Variants in DNAH7 observed in about 807,000 individuals in gnomAD.
The protein encoded by DNAH7 is axonemal beta dynein heavy chain 7.
DNAH7 carries 397 observed loss-of-function variants against 444.6 expected under a neutral mutation model. The observed-to-expected ratio is 0.89, with a 90% CI of 0.82 to 0.97. The LOEUF (loss-of-function observed/expected upper bound fraction) is 0.97, where lower values mean the gene tolerates loss of function less well. Ranked by LOEUF, DNAH7 falls within the 50% of genes least tolerant of loss-of-function variation. The pLI is 0.00. For missense variants in DNAH7, 4,902 were observed against 4,800.8 expected (o/e 1.02, Z -0.62); for synonymous variants, 1,636 against 1,624.4 (o/e 1.01, Z -0.17).
intron 24 of DNAH7, among the ~76,000 whole-genome samples, chr2:195,911,820 G>A (rs1335944629): frequency 6.6e-6 from 1 of 152,158 alleles, no homozygotes; most frequent in Admixed American, 6.5e-5. Flanking sequence ...TACTTGCAGA[G>A]CCTCCCTGGA....
At chr2:195,913,513 G>C (rs1319042068) in intron 24 of DNAH7, among the ~76,000 whole-genome samples, 1 of 152,116 alleles carries the variant, frequency 6.6e-6, no homozygotes, top group Non-Finnish European at 1.5e-5. Context: ...TAAACTTGGA[G>C]AATATAAAGC....
Position 195,906,984 on chromosome 2 carries a change from G to A in DNAH7, c.4130C>T (p.Ala1377Val), listed in dbSNP as rs372773830. The change falls in exon 26 of 65, where the codon GCT becomes GTT. Residue 1377 changes from alanine (A) to valine (V), a missense_variant. By Grantham distance (64) the Ala-to-Val change is moderately conservative. Transcript: ENST00000312428. Reference sequence around the variant, plus strand: ...AATTCTGTTAAACTCATCAAAGCAAGCCCAGGCTCCACAAGATAACAGTCC... The same window carrying A: ...AATTCTGTTAAACTCATCAAAGCAAACCCAGGCTCCACAAGATAACAGTCC... Reference protein sequence around the residue: ...FKGLLSCGAWACFDEFNRIDL... With the variant: ...FKGLLSCGAWVCFDEFNRIDL... 7 of 1,612,770 alleles carry A rather than the reference G, an allele frequency of 4.3e-6. No individual in the cohort carries two copies. The highest frequency in any genetic ancestry group is 5.9e-6 in the Non-Finnish European group (7 of 1,179,334).
At position 195,900,432 on chromosome 2, in the gene DNAH7, T is replaced by C. The variant is rs140129378; in HGVS notation, c.4398A>G (p.Leu1466=). Residue 1466 remains leucine (L), a synonymous_variant, in exon 28 of 65, where the codon CTA becomes CTG. Coordinates refer to ENST00000312428, the MANE Select transcript of DNAH7 (RefSeq NM_018897.3). The stretch of plus-strand genomic sequence containing the variant: ...GAGCAGTGACAAACCCACAGGAGTA[T>C]AGGACTATTTCAGCAATCATGGCAT... ...PDYAMIAEIV[L]YSCGFVTARP... The C allele has an allele frequency of 2.2e-4, 353 of 1,614,020 alleles. No homozygotes were observed. Among genetic ancestry groups the C allele is most frequent in the Admixed American group, 2.8e-4 (17 of 60,010 alleles).
intron 40 of DNAH7, among the ~76,000 whole-genome samples, chr2:195,867,173 C>G (rs1037816467): frequency 2.0e-5 from 3 of 152,108 alleles, no homozygotes; most frequent in African/African-American, 7.2e-5. Context: ...AGTTATACAT[C>G]CATGTAACCA....
chr2:195,959,672 C>A (rs1690943207), intron 18 of DNAH7, among the ~76,000 whole-genome samples: 1 of 152,128 alleles, frequency 6.6e-6, no homozygotes, highest in Non-Finnish European at 1.5e-5. Context: ...ATATAGCCTG[C>A]CTAATGTAAA....
intron 36 of DNAH7, 35 bp from the exon 37 acceptor site, chr2:195,876,734 G>C: frequency 7.0e-7 from 1 of 1,434,966 alleles, no homozygotes; most frequent in South Asian, 1.2e-5. Context: ...GCCATAGTTG[G>C]AATTATGTTT....
intron 21 of DNAH7, among the ~76,000 whole-genome samples, chr2:195,932,255 T>C (rs937432279): frequency 2.0e-5 from 3 of 152,230 alleles, no homozygotes; most frequent in African/African-American, 7.2e-5. Flanking sequence ...CTTGTGATTT[T>C]TGCACATTGA....
rs776140308 is a variant in DNAH7, at chr2:195,864,360, T to C, written c.7295A>G (p.Glu2432Gly). ...TAACTGACGCATCTTATCACATATC[T>C]CTTGCTTCTCATCTAATGCAAAGAG... is the stretch of plus-strand genomic sequence containing the variant. ...PNLFALDEKQ[E>G]ICDKMRQLDR... The change falls in exon 41 of 65, where the codon GAG becomes GGG. Residue 2432 changes from glutamate (E) to glycine (G), a missense_variant. Physicochemically the swap from Glu to Gly is moderately conservative, Grantham distance 98. Coordinates refer to ENST00000312428, the MANE Select transcript of DNAH7 (RefSeq NM_018897.3). 2.2e-5 allele frequency: 35 copies of C among 1,614,176 alleles called. No homozygotes were observed. Among genetic ancestry groups the C allele is most frequent in the Non-Finnish European group, 2.9e-5 (34 of 1,180,026 alleles).
chr2:195,894,738 T>C (rs1445983089), intron 30 of DNAH7: 1 of 290,464 alleles, frequency 3.4e-6, no homozygotes, highest in Admixed American at 5.0e-5. Flanking sequence ...AGACATGTAT[T>C]ACTTTAATAA....
chr2:195,828,273 T>C (rs1368764801), intron 48 of DNAH7, among the ~76,000 whole-genome samples: 2 of 152,266 alleles, frequency 1.3e-5, no homozygotes, highest in South Asian at 2.1e-4. Flanking sequence ...GTTTCATAGG[T>C]TGAAACTTTC....
chr2:195,754,372 A>G lies in DNAH7; in HGVS notation c.11729T>C (p.Met3910Thr), dbSNP rs1282532649. ...AGGATGCTTGTATTCTTTGTCTTCC[A>G]TCACTTCATAGTCAAACCCAAGAAG... ...IDLLGFDYEV[M>T]EDKEYKHPPE... The change falls in exon 63 of 65, where the codon ATG becomes ACG. Residue 3910 changes from methionine to threonine, a missense_variant. Met to Thr is a moderately conservative substitution (Grantham distance 81). Transcript: ENST00000312428. 3 of 1,614,000 alleles carry G rather than the reference A, an allele frequency of 1.9e-6. No individual in the cohort carries two copies. The South Asian group carries it at 3.3e-5, about 18-fold the overall frequency.
At chr2:196,066,724 C>T (rs1698448859) in intron 1 of DNAH7, among the ~76,000 whole-genome samples, 1 of 152,170 alleles carries the variant, frequency 6.6e-6, no homozygotes, top group Non-Finnish European at 1.5e-5. Context: ...CTCAACCTTC[C>T]ACTAATGAGA....
At chr2:195,872,612 A>T in intron 39 of DNAH7, 143 bp from the exon 40 acceptor site, 1 of 469,564 alleles carries the variant, frequency 2.1e-6, no homozygotes, top group Non-Finnish European at 3.6e-6. Flanking sequence ...ATCTTATTAT[A>T]ATAATAATAC....
At chr2:195,999,314 G>C (rs1364806820) in intron 12 of DNAH7, 1 of 676,720 alleles carries the variant, frequency 1.5e-6, no homozygotes, top group Admixed American at 2.3e-5. Context: ...ACACAGATTT[G>C]AGTGAATATT....
intron 5 of DNAH7, among the ~76,000 whole-genome samples, chr2:196,031,939 A>G (rs540537502): frequency 4.6e-5 from 7 of 152,248 alleles, no homozygotes; most frequent in East Asian, 1.9e-4. Flanking sequence ...ACATTTTCAC[A>G]TATCTTTTCA....
At chr2:195,849,762 C>G (rs113290827) in intron 46 of DNAH7, among the ~76,000 whole-genome samples, 1 of 151,896 alleles carries the variant, frequency 6.6e-6, no homozygotes, top group South Asian at 2.1e-4. Context: ...CCACCATGCC[C>G]GGATAATTTT....
At chr2:195,887,290 C>T (rs1374488315) in intron 33 of DNAH7, among the ~76,000 whole-genome samples, 1 of 152,096 alleles carries the variant, frequency 6.6e-6, no homozygotes, top group Non-Finnish European at 1.5e-5. Context: ...GGCCCTGAAA[C>T]TTATTTTATT....
chr2:195,947,879 A>G (rs1689928232), intron 19 of DNAH7, among the ~76,000 whole-genome samples: 1 of 152,190 alleles, frequency 6.6e-6, no homozygotes, highest in African/African-American at 2.4e-5. Context: ...ACTGTCTTCC[A>G]CAATGGTTGA....
chr2:195,853,504 C>G lies in DNAH7; in HGVS notation c.8620G>C (p.Glu2874Gln). 1 of 1,609,022 alleles carries G rather than the reference C, an allele frequency of 6.2e-7. No homozygotes were observed. Among genetic ancestry groups the G allele is most frequent in the Non-Finnish European group, 8.5e-7 (1 of 1,177,528 alleles). ...NQVDLCSKKLERAEQLIGGLG... is the reference protein window; with the variant it reads ...NQVDLCSKKLQRAEQLIGGLG... Reference sequence around the variant, plus strand: ...CCTCCAATCAACTGTTCAGCTCGTTCTAGTTTTTTGCTGCAAAGGTCAACC... The same window carrying G: ...CCTCCAATCAACTGTTCAGCTCGTTGTAGTTTTTTGCTGCAAAGGTCAACC... The change falls in exon 46 of 65, where the codon GAA (glutamate) becomes CAA (glutamine). Residue 2874 changes from glutamate to glutamine, a missense_variant. By Grantham distance (29) the Glu-to-Gln change is conservative. Transcript: ENST00000312428.
Sources: allele counts gnomAD v4.1 joint callset (sites outside exome capture counted in the v4.1 genomes callset), GRCh38; gene constraint gnomAD v4.1.1; transcripts MANE v1.5; gene names NCBI Gene and HGNC (gene_info 2026-07-23, HGNC 2026-07-21).